Variants in CSMD1 observed in about 807,000 individuals in gnomAD.
CSMD1 encodes the protein CUB and Sushi multiple domains 1, also known as CUB and sushi domain-containing protein 1.
Under a neutral mutation model 417.5 loss-of-function variants are expected in CSMD1, and 213 were observed. That is an observed-to-expected ratio of 0.51 (90% confidence interval 0.46 to 0.57). The LOEUF (loss-of-function observed/expected upper bound fraction) is 0.57, where lower values mean the gene tolerates loss of function less well. CSMD1 is among the 20% of genes least tolerant of loss of function. CSMD1 has a pLI of 0.00. For missense variants in CSMD1, 6,923 were observed against 4,529.7 expected, an observed-to-expected ratio of 1.53 and a Z score of -15.17; for synonymous variants, 2,862 against 1,736.8, an observed-to-expected ratio of 1.65 and a Z score of -16.11.
chr8:4,828,141 C>T (rs752775469), intron 1 of CSMD1, among the ~76,000 whole-genome samples: 7 of 152,170 alleles, frequency 4.6e-5, no homozygotes, highest in Non-Finnish European at 7.4e-5. Context: ...ACTTATCCCA[C>T]GAGGAAATTC....
chr8:2,941,235 G>A (rs1030857240), intron 69 of CSMD1, among the ~76,000 whole-genome samples: 1 of 152,168 alleles, frequency 6.6e-6, no homozygotes, highest in African/African-American at 2.4e-5. Flanking sequence ...ACAGGCACAA[G>A]CAGCTAATAC....
At chr8:3,609,036 G>C (rs1474072960) in intron 8 of CSMD1, among the ~76,000 whole-genome samples, 1 of 152,186 alleles carries the variant, frequency 6.6e-6, no homozygotes, top group Non-Finnish European at 1.5e-5. Context: ...TGCATAGTGA[G>C]TGTAAAAACT....
intron 10 of CSMD1, among the ~76,000 whole-genome samples, chr8:3,559,633 G>A (rs908834620): frequency 5.3e-5 from 8 of 152,124 alleles, no homozygotes; most frequent in Non-Finnish European, 8.8e-5. Flanking sequence ...ATTATCTTGA[G>A]ATTAAAGCAT....
intron 5 of CSMD1, among the ~76,000 whole-genome samples, chr8:3,944,634 C>A (rs1811102659): frequency 6.6e-6 from 1 of 152,054 alleles, no homozygotes; most frequent in Non-Finnish European, 1.5e-5. Flanking sequence ...GAGACTTTTC[C>A]TTTATAACTG....
intron 49 of CSMD1, among the ~76,000 whole-genome samples, chr8:3,085,900 G>C (rs1485903159): frequency 6.6e-6 from 1 of 152,184 alleles, no homozygotes; most frequent in Admixed American, 6.5e-5. Context: ...CTTAGGCCTG[G>C]AGAGCACACT....
At chr8:2,964,454 G>C (rs1165918357) in intron 59 of CSMD1, among the ~76,000 whole-genome samples, 2 of 152,194 alleles carry the variant, frequency 1.3e-5, no homozygotes, top group African/African-American at 4.8e-5. Flanking sequence ...TGGGTCCCCT[G>C]GGGGCAGGGG....
chr8:4,458,301 T>G (rs1033976580), intron 2 of CSMD1, among the ~76,000 whole-genome samples: 2 of 148,976 alleles, frequency 1.3e-5, no homozygotes, highest in African/African-American at 5.2e-5. Context: ...TTCTCCCTCT[T>G]TTTTTTTGTG....
At chr8:3,209,316 TTTA>T in intron 30 of CSMD1, among the ~76,000 whole-genome samples, 1 of 151,934 alleles carries the variant, frequency 6.6e-6, no homozygotes, top group Non-Finnish European at 1.5e-5. Flanking sequence ...TATTTATTTA[TTTA>T]TATTTATTTA....
At chr8:4,505,489 A>G (rs1802470286) in intron 2 of CSMD1, among the ~76,000 whole-genome samples, 2 of 152,198 alleles carry the variant, frequency 1.3e-5, no homozygotes, top group Non-Finnish European at 2.9e-5. Context: ...ATGCTATTAT[A>G]AACTGCTTAA....
chr8:4,233,562 C>T lies in CSMD1; in HGVS notation c.415+186391G>A, dbSNP rs191796321. Reference sequence around the variant, plus strand: ...TCTCACACCTTCCACTGTCTGAGGACACAGGGAGAAGGCCCTGTCTATGAA... The same window carrying T: ...TCTCACACCTTCCACTGTCTGAGGATACAGGGAGAAGGCCCTGTCTATGAA... On this transcript the variant is annotated intron_variant, in intron 3 of 69. Coordinates refer to ENST00000635120, the MANE Select transcript of CSMD1 (RefSeq NM_033225.6). 5.3e-5 allele frequency among the ~76,000 whole-genome samples: 8 copies of T among 152,236 alleles called. No individual in the cohort carries two copies. The East Asian group carries it at 1.6e-3, about 30-fold the overall frequency.
At chr8:3,311,634 G>C (rs911118454) in intron 23 of CSMD1, among the ~76,000 whole-genome samples, 2 of 152,150 alleles carry the variant, frequency 1.3e-5, no homozygotes, top group Non-Finnish European at 2.9e-5. Context: ...AAAACAGATG[G>C]TTGCATGGGT....
chr8:4,784,421 T>C (rs1004341835), intron 1 of CSMD1, among the ~76,000 whole-genome samples: 2 of 152,162 alleles, frequency 1.3e-5, no homozygotes, highest in Admixed American at 6.5e-5. Flanking sequence ...CAAACTCATA[T>C]GGATTTTTTA....
In CSMD1 at chr8:4,141,131, C is replaced by G. The variant is rs1250836690; in HGVS notation, c.416-109032G>C. ...AGGTCTCACTTACCTATGTTTCCTC[C>G]AAGAGAGCTCCAATAAGTAACAGAA... On this transcript the variant is annotated intron_variant, in intron 3 of 69. Transcript: ENST00000635120. 5.3e-5 allele frequency among the ~76,000 whole-genome samples: 8 copies of G among 151,192 alleles called. 1 individual carries two copies. The highest frequency in any genetic ancestry group is 1.2e-4 in the Non-Finnish European group (8 of 68,044).
At chr8:4,511,981 T>G (rs1802846149) in intron 2 of CSMD1, among the ~76,000 whole-genome samples, 1 of 152,062 alleles carries the variant, frequency 6.6e-6, no homozygotes, top group African/African-American at 2.4e-5. Flanking sequence ...GACAGAGGCA[T>G]TCCAAAAAAA....
intron 1 of CSMD1, among the ~76,000 whole-genome samples, chr8:4,830,896 G>C (rs2117441562): frequency 6.6e-6 from 1 of 152,294 alleles, no homozygotes; most frequent in East Asian, 1.9e-4. Flanking sequence ...CTCTAGAATA[G>C]AGTCTAATGA....
intron 3 of CSMD1, among the ~76,000 whole-genome samples, chr8:4,230,438 A>C (rs191521015): frequency 6.6e-6 from 1 of 152,200 alleles, no homozygotes; most frequent in Admixed American, 6.5e-5. Context: ...GTGACTTAAC[A>C]TATTTATTAA....
chr8:4,675,335 A>C (rs1315920283), intron 1 of CSMD1, among the ~76,000 whole-genome samples: 2 of 152,192 alleles, frequency 1.3e-5, no homozygotes, highest in African/African-American at 2.4e-5. Context: ...TTGTAAAATA[A>C]ATGAGTGTAG....
At chr8:2,987,697 A>G (rs1007025020) in intron 54 of CSMD1, among the ~76,000 whole-genome samples, 1 of 152,208 alleles carries the variant, frequency 6.6e-6, no homozygotes, top group African/African-American at 2.4e-5. Flanking sequence ...CCTAAGCACA[A>G]GAGTGATGCG....
chr8:4,191,256 C>T (rs1159453314), intron 3 of CSMD1, among the ~76,000 whole-genome samples: 2 of 151,922 alleles, frequency 1.3e-5, no homozygotes, highest in East Asian at 1.9e-4. Flanking sequence ...ATTAGCAGGG[C>T]ATGGTGGCAG....
Sources: gnomAD v4.1 joint callset for allele counts (sites outside exome capture counted in the v4.1 genomes callset) on GRCh38, gnomAD v4.1.1 for gene constraint, MANE v1.5 for transcripts, NCBI Gene and HGNC (gene_info 2026-07-23, HGNC 2026-07-21) for gene names.